The following ROBO2 variants were observed in gnomAD, a reference collection of about 807,000 sequenced individuals.
ROBO2 encodes roundabout homolog 2.
ROBO2 carries 53 observed loss-of-function variants against 160.8 expected under a neutral mutation model. That is an observed-to-expected ratio of 0.33 (90% CI 0.26 to 0.41). The LOEUF is 0.41. ROBO2 is among the 10% of genes least tolerant of loss of function. ROBO2 has a pLI of 1.00. For synonymous variants in ROBO2, 664 were observed against 611.7 expected (o/e 1.09, Z -1.26); for missense variants, 1,577 against 1,722.4 (o/e 0.92, Z 1.49).
intron 2 of ROBO2, among the ~76,000 whole-genome samples, chr3:76,449,530 G>A (rs538970645): frequency 1.5e-4 from 23 of 152,078 alleles, no homozygotes; most frequent in Non-Finnish European, 3.2e-4. Flanking sequence ...AACCGGACTC[G>A]ATTTAACTGG....
chr3:77,558,362 G>A (rs1007169857), intron 9 of ROBO2, among the ~76,000 whole-genome samples: 2 of 152,022 alleles, frequency 1.3e-5, no homozygotes, highest in Non-Finnish European at 2.9e-5. Context: ...ACAGAATCTC[G>A]AAACTTTTAT....
At chr3:77,234,756 TGAAAAA>T (rs1560303482) in intron 2 of ROBO2, among the ~76,000 whole-genome samples, 1 of 152,168 alleles carries the variant, frequency 6.6e-6, no homozygotes, top group Non-Finnish European at 1.5e-5. Context: ...GCAAGTTTAT[TGAAAAA>T]GAAACAGAAT....
exon 26 of ROBO2, chr3:77,646,686 T>C (rs1024628270): frequency 2.2e-4 from 34 of 152,394 alleles, no homozygotes; most frequent in Admixed American, 2.2e-3. Context: ...AAGTCTTCTT[T>C]GAATATCAGG....
At chr3:76,010,566 G>T (rs865801873) in intron 2 of ROBO2, among the ~76,000 whole-genome samples, 27 of 152,222 alleles carry the variant, frequency 1.8e-4, no homozygotes, top group African/African-American at 6.5e-4. Context: ...GGCATCAATT[G>T]TAAATGTTTT....
At chr3:77,101,234 A>G (rs749667208) in intron 2 of ROBO2, among the ~76,000 whole-genome samples, 1 of 152,210 alleles carries the variant, frequency 6.6e-6, no homozygotes, top group Admixed American at 6.5e-5. Flanking sequence ...CTTGAAACAT[A>G]TTTAGGAATT....
chr3:77,196,049 G>C (rs1430478176), intron 2 of ROBO2, among the ~76,000 whole-genome samples: 1 of 152,170 alleles, frequency 6.6e-6, no homozygotes, highest in Non-Finnish European at 1.5e-5. Flanking sequence ...TGTTAAGAGG[G>C]TGATGACTCG....
At chr3:76,666,596 A>G (rs1025904184) in intron 2 of ROBO2, among the ~76,000 whole-genome samples, 2 of 152,116 alleles carry the variant, frequency 1.3e-5, no homozygotes, top group African/African-American at 2.4e-5. Flanking sequence ...CTGACCCTAC[A>G]TTTCTCAGGA....
intron 5 of ROBO2, among the ~76,000 whole-genome samples, chr3:77,520,698 A>G (rs1028611831): frequency 1.1e-4 from 16 of 151,266 alleles, no homozygotes; most frequent in African/African-American, 3.6e-4. Flanking sequence ...CAAGAATTCA[A>G]TGTTTTTAGA....
chr3:76,425,978 A>C (rs541577544), intron 2 of ROBO2, among the ~76,000 whole-genome samples: 1 of 152,322 alleles, frequency 6.6e-6, no homozygotes, highest in East Asian at 1.9e-4. Context: ...TTATTGGTTT[A>C]TTAATACCTC....
chr3:76,661,701 T>G (rs73841267), intron 2 of ROBO2, among the ~76,000 whole-genome samples: 1 of 152,206 alleles, frequency 6.6e-6, no homozygotes, highest in African/African-American at 2.4e-5. Context: ...TAAGGGGGAT[T>G]GTGGAAGCCA....
intron 2 of ROBO2, among the ~76,000 whole-genome samples, chr3:76,981,784 T>C (rs541148338): frequency 3.9e-5 from 6 of 152,240 alleles, no homozygotes; most frequent in African/African-American, 1.4e-4. Context: ...GAGCTTAGAA[T>C]CATGCTGACA....
intron 2 of ROBO2, among the ~76,000 whole-genome samples, chr3:76,444,652 A>G (rs904397751): frequency 3.3e-5 from 5 of 152,192 alleles, no homozygotes; most frequent in African/African-American, 9.6e-5. Flanking sequence ...AACCACCTCC[A>G]TGATTCAATG....
intron 2 of ROBO2, among the ~76,000 whole-genome samples, chr3:76,610,856 G>A (rs899252075): frequency 1.3e-5 from 2 of 152,212 alleles, no homozygotes; most frequent in Non-Finnish European, 2.9e-5. Context: ...CTCTCACTGC[G>A]CGCCACTGGG....
chr3:76,151,766 A>T (rs932709437), intron 2 of ROBO2, among the ~76,000 whole-genome samples: 1 of 152,108 alleles, frequency 6.6e-6, no homozygotes, highest in Non-Finnish European at 1.5e-5. Context: ...AGGGGACAAA[A>T]CCTTTCCTGA....
chr3:76,284,478 A>G lies in ROBO2; in HGVS notation c.109+346876A>G, dbSNP rs186831801. 9.2e-5 allele frequency among the ~76,000 whole-genome samples: 14 copies of G among 152,224 alleles called. No individual in the cohort carries two copies. In the East Asian group the frequency reaches 1.9e-3, roughly 21 times the overall value. ...ATCTCCCATTGTCTTATTTCAGTGT[A>G]TATTTAATAGATACAATCCATTCAT... is the stretch of plus-strand genomic sequence containing the variant. On this transcript the variant is annotated intron_variant, in intron 2 of 26. Transcript: ENST00000487694.
At chr3:76,602,333 C>T (rs1003079485) in intron 2 of ROBO2, among the ~76,000 whole-genome samples, 2 of 152,194 alleles carry the variant, frequency 1.3e-5, no homozygotes, top group Non-Finnish European at 2.9e-5. Context: ...GTCGCTTCCA[C>T]ATTTTTGGGT....
Position 77,546,614 on chromosome 3 carries a change from C to T in ROBO2, c.1059+152C>T, listed in dbSNP as rs2092707312. 7.0e-6 allele frequency: 7 copies of T among 996,504 alleles called. No individual in the cohort carries two copies. In the South Asian group the frequency reaches 9.6e-5, roughly 14 times the overall value. The allele number at this position is 996,504 out of a possible 1,614,324, so 61.7% of individuals were successfully genotyped here. ...GGTGAATGTAAAAATAAGTAGGAGT[C>T]AGATGTTCTAGCAATAGCATTCTTT... On this transcript the variant is annotated intron_variant, in intron 7 of 25. Transcript: ENST00000461745.
At chr3:76,735,786 A>AAAAGGGG (rs1553886639) in intron 2 of ROBO2, among the ~76,000 whole-genome samples, 6 of 126,598 alleles carry the variant, frequency 4.7e-5, no homozygotes, top group Non-Finnish European at 6.5e-5. Context: ...GAAAAAAAAA[A>AAAAGGGG]GGGGAAAGGG....
chr3:75,907,210 C>A (rs1946384672), intron 1 of ROBO2, among the ~76,000 whole-genome samples: 1 of 152,232 alleles, frequency 6.6e-6, no homozygotes, highest in South Asian at 2.1e-4. Context: ...CAAAGGCACG[C>A]GTTATATATG....
Sources: gnomAD v4.1 joint callset for allele counts (sites outside exome capture counted in the v4.1 genomes callset) on GRCh38, gnomAD v4.1.1 for gene constraint, MANE v1.5 for transcripts, NCBI Gene and HGNC (gene_info 2026-07-23, HGNC 2026-07-21) for gene names.